Variants in ARHGEF17 observed in about 807,000 individuals in gnomAD.
ARHGEF17 encodes the protein 164 kDa Rho-specific guanine-nucleotide exchange factor.
A neutral mutation model predicts 174.0 loss-of-function variants in ARHGEF17; 80 were observed. The observed-to-expected ratio is 0.46, with a 90% CI of 0.38 to 0.55. The LOEUF (loss-of-function observed/expected upper bound fraction) is 0.55, where lower values mean the gene tolerates loss of function less well. Among genes scored for constraint, ARHGEF17 ranks in the 20% least tolerant of loss-of-function variants. The pLI is 0.00. For missense variants in ARHGEF17, 2,886 were observed against 2,839.7 expected, an observed-to-expected ratio of 1.02 and a Z score of -0.37; for synonymous variants, 1,311 against 1,189.1, an observed-to-expected ratio of 1.10 and a Z score of -2.11.
Position 73,357,234 on chromosome 11 carries a change from C to G in ARHGEF17, c.4002-8C>G. On this transcript the variant is annotated splice_polypyrimidine_tract_variant and splice_region_variant and intron_variant, in intron 8 of 20. Transcript: ENST00000263674. ...CCCTGGCCAGAGCGCCCCATTGGCT[C>G]CCCACAGGTACACGGCAGCCAGTGT... The G allele has an allele frequency of 6.2e-7, 1 of 1,613,622 alleles. No homozygotes were observed. Among genetic ancestry groups the G allele is most frequent in the South Asian group, 1.1e-5 (1 of 91,078 alleles).
In ARHGEF17 at chr11:73,361,996, A is replaced by G. The variant is rs376621508; in HGVS notation, c.4495-44A>G. 1.6e-5 allele frequency: 25 copies of G among 1,591,386 alleles called. No individual in the cohort carries two copies. In the African/African-American group the frequency reaches 3.1e-4, roughly 20 times the overall value. On this transcript the variant is annotated intron_variant, in intron 12 of 20. Transcript: ENST00000263674. ...CCCAGGAGTGGGGAATGCTGGCAGC[A>G]GTTCCTCCATTCACCTTCTCCTGTC...
chr11:73,321,032 C>T lies in ARHGEF17; in HGVS notation c.3192+9202C>T, dbSNP rs774368305. Among the ~76,000 whole-genome samples the T allele has an allele frequency of 6.0e-4, 91 of 152,210 alleles. 1 individual carries two copies. The highest frequency in any genetic ancestry group is 1.1e-3 in the Non-Finnish European group (76 of 68,046). On this transcript the variant is annotated intron_variant, in intron 1 of 20. Coordinates refer to ENST00000263674, the MANE Select transcript of ARHGEF17 (RefSeq NM_014786.4). ...AGTAAGTGCTCAAGAAATGTTACCT[C>T]CTCCCCTCATGACTGAGATGCTAAG...
chr11:73,317,796 G>A (rs560032872), intron 1 of ARHGEF17, among the ~76,000 whole-genome samples: 1 of 152,276 alleles, frequency 6.6e-6, no homozygotes, highest in East Asian at 1.9e-4. Flanking sequence ...CAGGCTGCTG[G>A]GCTCTGTGCA....
chr11:73,360,902 G>T (rs1004574273), intron 11 of ARHGEF17, among the ~76,000 whole-genome samples, 186 bp from the exon 12 acceptor site: 2 of 152,200 alleles, frequency 1.3e-5, no homozygotes, highest in Admixed American at 6.5e-5. Context: ...CTAACCCCAA[G>T]ACAATACACA....
Position 73,361,075 on chromosome 11 carries a change from A to C in ARHGEF17, c.4421-13A>C. On this transcript the variant is annotated splice_polypyrimidine_tract_variant and intron_variant, in intron 11 of 20. Coordinates refer to ENST00000263674, the MANE Select transcript of ARHGEF17 (RefSeq NM_014786.4). ...CTAAGCAGGGTCCGTCTGTCTGTCCATCTCCACTACAGCATCCAGCAAAAG... is the reference window on the plus strand; with the variant it reads ...CTAAGCAGGGTCCGTCTGTCTGTCCCTCTCCACTACAGCATCCAGCAAAAG... 6.2e-7 allele frequency: 1 copy of C among 1,612,262 alleles called. No homozygotes were observed. Among genetic ancestry groups the C allele is most frequent in the Non-Finnish European group, 8.5e-7 (1 of 1,178,464 alleles).
chr11:73,360,074 C>A, intron 10 of ARHGEF17, 122 bp downstream of exon 10: 1 of 1,061,678 alleles, frequency 9.4e-7, no homozygotes, highest in Middle Eastern at 3.0e-4. Context: ...CATCTGAAGG[C>A]AAAAATCGCA....
chr11:73,356,033 G>T (rs529735849), intron 5 of ARHGEF17, 80 bp downstream of exon 5: 2 of 1,590,794 alleles, frequency 1.3e-6, no homozygotes, highest in East Asian at 4.5e-5. Flanking sequence ...CCCCTGCCTC[G>T]TTGAGCCTGA....
intron 1 of ARHGEF17, among the ~76,000 whole-genome samples, chr11:73,327,127 G>C (rs1055093175): frequency 9.2e-5 from 14 of 152,168 alleles, no homozygotes; most frequent in African/African-American, 2.9e-4. Flanking sequence ...CTCCCACCCG[G>C]GGCCTGGAGC....
chr11:73,332,350 CGTGTGT>C (rs58725771), intron 1 of ARHGEF17, among the ~76,000 whole-genome samples: 4,262 of 120,630 alleles, frequency 0.035, 111 homozygotes, highest in Admixed American at 0.061. Context: ...GCTTTTTCTC[CGTGTGT>C]GTGTGTGTGT....
Position 73,364,609 on chromosome 11 carries a change from G to T in ARHGEF17, c.5550+9G>T. Reference sequence around the variant, plus strand: ...ACACGCTGCAGCTGGAGGTAGCAGGGGGTGGGGGAATGGAATTGGTGCCAT... The same window carrying T: ...ACACGCTGCAGCTGGAGGTAGCAGGTGGTGGGGGAATGGAATTGGTGCCAT... On this transcript the variant is annotated intron_variant, in intron 18 of 20. Transcript: ENST00000263674. The T allele has an allele frequency of 6.2e-7, 1 of 1,602,482 alleles. No individual in the cohort carries two copies. Among genetic ancestry groups the T allele is most frequent in the East Asian group, 2.2e-5 (1 of 44,792 alleles).
chr11:73,309,344 A>G lies in ARHGEF17; in HGVS notation c.706A>G (p.Ile236Val). The stretch of plus-strand genomic sequence containing the variant: ...CCGGGCCTCCTGCTCCTCCTCCTCC[A>G]TCGCCGCCTCCTATCCTGTCAGCCG... ...GARASCSSSS[I>V]AASYPVSRSR... Residue 236 changes from isoleucine (I) to valine (V), a missense_variant, in exon 1 of 21, where the codon ATC (isoleucine) becomes GTC (valine). Transcript: ENST00000263674. 1 of 1,534,790 alleles carries G rather than the reference A, an allele frequency of 6.5e-7. No individual in the cohort carries two copies. The highest frequency in any genetic ancestry group is 8.8e-7 in the Non-Finnish European group (1 of 1,136,358).
rs199717332 is a variant in ARHGEF17 at position 73,356,762 on chromosome 11, A to G, written c.3891+3A>G. 3.8e-5 allele frequency: 61 copies of G among 1,614,070 alleles called. No individual in the cohort carries two copies. In the East Asian group the frequency reaches 1.3e-3, roughly 34 times the overall value. On this transcript the variant is annotated splice_donor_region_variant and intron_variant, in intron 7 of 20. Transcript: ENST00000263674. ...GACAGGAGATGGTCATTGAAGTGGT[A>G]AGAAGTGTCCCAGTATCTGTCCGGC...
chr11:73,342,573 G>A (rs1865387082), intron 1 of ARHGEF17, among the ~76,000 whole-genome samples: 1 of 152,110 alleles, frequency 6.6e-6, no homozygotes, highest in Admixed American at 6.5e-5. Context: ...TTGTGCATAC[G>A]GGTCCAGGCC....
chr11:73,333,482 G>A (rs1301717829), intron 1 of ARHGEF17, among the ~76,000 whole-genome samples: 1 of 152,264 alleles, frequency 6.6e-6, no homozygotes, highest in East Asian at 1.9e-4. Flanking sequence ...GTCAGCCAGA[G>A]GCAGAGACCA....
intron 4 of ARHGEF17, 101 bp from the exon 5 acceptor site, chr11:73,355,760 C>G (rs920620610): frequency 1.3e-6 from 2 of 1,566,328 alleles, no homozygotes; most frequent in Non-Finnish European, 1.8e-6. Context: ...GGGCCAGCCT[C>G]CGCTCTCAGG....
intron 1 of ARHGEF17, among the ~76,000 whole-genome samples, chr11:73,325,505 C>T (rs1182490326): frequency 1.3e-5 from 2 of 152,214 alleles, no homozygotes; most frequent in African/African-American, 4.8e-5. Flanking sequence ...CATCTCAACA[C>T]AGGCAAAGCT....
At chr11:73,362,385 C>T (rs762415183) in intron 13 of ARHGEF17, 48 bp from the exon 14 acceptor site, 5 of 1,478,956 alleles carry the variant, frequency 3.4e-6, no homozygotes, top group Admixed American at 2.4e-5. Context: ...ACCACCGGGG[C>T]CCCGTCTGGC....
chr11:73,352,691 C>T (rs947588235), intron 2 of ARHGEF17, 139 bp from the exon 3 acceptor site: 31 of 854,120 alleles, frequency 3.6e-5, no homozygotes, highest in Middle Eastern at 3.0e-4. Context: ...AGCTCTTGGT[C>T]TCATGAGGGA....
chr11:73,351,109 C>T (rs1865545697), intron 2 of ARHGEF17, among the ~76,000 whole-genome samples: 1 of 152,208 alleles, frequency 6.6e-6, no homozygotes, highest in Non-Finnish European at 1.5e-5. Context: ...AGCAGCGGGC[C>T]CTGACCCAGC....
Sources: allele counts gnomAD v4.1 joint callset (sites outside exome capture counted in the v4.1 genomes callset), GRCh38; gene constraint gnomAD v4.1.1; transcripts MANE v1.5; gene names NCBI Gene and HGNC (gene_info 2026-07-23, HGNC 2026-07-21).